The following XPR1 variants were observed in gnomAD, a reference collection of about 807,000 sequenced individuals.
The protein encoded by XPR1 is xenotropic and polytropic retrovirus receptor 1, also known as solute carrier family 53 member 1.
In XPR1, 28 loss-of-function variants were observed where a neutral mutation model predicts 87.5. The observed-to-expected ratio is 0.32, with a 90% CI of 0.24 to 0.44. The LOEUF is 0.44. Ranked by LOEUF, XPR1 falls within the 20% of genes least tolerant of loss-of-function variation. The pLI is 1.00. For missense variants in XPR1, 559 were observed against 862.3 expected (o/e 0.65, Z 4.41); for synonymous variants, 300 against 306.1 (o/e 0.98, Z 0.21).
At chr1:180,739,582 G>A (rs1173876626) in intron 2 of XPR1, among the ~76,000 whole-genome samples, 2 of 152,000 alleles carry the variant, frequency 1.3e-5, no homozygotes, top group African/African-American at 4.8e-5. Flanking sequence ...TCTCCATTTA[G>A]GTCTTCTTTG....
At chr1:180,805,256 T>G (rs940403011) in intron 4 of XPR1, among the ~76,000 whole-genome samples, 2 of 152,112 alleles carry the variant, frequency 1.3e-5, no homozygotes, top group Non-Finnish European at 2.9e-5. Context: ...CTGGAGTGAG[T>G]GCACAATTTC....
chr1:180,729,553 C>T (rs190769521), intron 2 of XPR1, among the ~76,000 whole-genome samples: 3 of 152,282 alleles, frequency 2.0e-5, no homozygotes, highest in Non-Finnish European at 2.9e-5. Flanking sequence ...TCCTCAACCT[C>T]GCCAGCATCT....
intron 9 of XPR1, among the ~76,000 whole-genome samples, chr1:180,827,095 AGT>A (rs1015221531): frequency 4.8e-5 from 7 of 144,572 alleles, no homozygotes; most frequent in Admixed American, 1.4e-4. Context: ...TGGAAGTTGC[AGT>A]GAGCCAAGAT....
rs1041460563 is a variant in XPR1 at position 180,742,618 on chromosome 1, G to A, written c.122-45135G>A. Among the ~76,000 whole-genome samples the A allele has an allele frequency of 3.3e-5, 5 of 152,170 alleles. No individual in the cohort carries two copies. In the East Asian group the frequency reaches 5.8e-4, roughly 18 times the overall value. ...GTATGTATATTCTGGTGGCGTTCCT[G>A]AAATTTTCTTTAAAGGTTAATTACA... On this transcript the variant is annotated intron_variant, in intron 2 of 14. Transcript: ENST00000367590.
rs1450192986 is a variant in XPR1, at chr1:180,643,735, C to T, written c.69+11465C>T. ...TACTTCAGATTCCATTTTTTTATCA[C>T]TGTGGATGCTCTGTGGTTCCACTGA... On this transcript the variant is annotated intron_variant, in intron 1 of 14. Coordinates refer to ENST00000367590, the MANE Select transcript of XPR1 (RefSeq NM_004736.4). Among the ~76,000 whole-genome samples, 11 of 152,160 alleles carry T rather than the reference C, an allele frequency of 7.2e-5. No individual in the cohort carries two copies. In the East Asian group the frequency reaches 2.1e-3, roughly 29 times the overall value.
At chr1:180,801,404 T>TCC (rs1215355065) in intron 3 of XPR1, among the ~76,000 whole-genome samples, 1 of 152,240 alleles carries the variant, frequency 6.6e-6, no homozygotes, top group African/African-American at 2.4e-5. Flanking sequence ...TTGACCCACA[T>TCC]AAATGGATGA....
At chr1:180,683,400 A>G (rs1380722942) in intron 2 of XPR1, among the ~76,000 whole-genome samples, 8 of 152,174 alleles carry the variant, frequency 5.3e-5, no homozygotes, top group South Asian at 2.1e-4. Context: ...AGTCTTTGCT[A>G]TTGTGAATAG....
At chr1:180,660,591 C>CTG (rs2101918046) in intron 1 of XPR1, among the ~76,000 whole-genome samples, 1 of 148,034 alleles carries the variant, frequency 6.8e-6, no homozygotes, top group African/African-American at 2.5e-5. Context: ...TCTTCTTAAT[C>CTG]TGTTCATTGA....
intron 2 of XPR1, among the ~76,000 whole-genome samples, chr1:180,736,799 G>C (rs1658743264): frequency 6.6e-6 from 1 of 152,128 alleles, no homozygotes; most frequent in African/African-American, 2.4e-5. Context: ...ACCAAAAAGA[G>C]ATGAGACATT....
intron 11 of XPR1, among the ~76,000 whole-genome samples, chr1:180,862,796 GACC>G (rs1652264814): frequency 6.6e-6 from 1 of 152,026 alleles, no homozygotes. Flanking sequence ...TTGAGAAACT[GACC>G]AAAATTTAAA....
chr1:180,768,160 A>T (rs1172580601), intron 2 of XPR1, among the ~76,000 whole-genome samples: 1 of 152,080 alleles, frequency 6.6e-6, no homozygotes, highest in Non-Finnish European at 1.5e-5. Context: ...AAACTTTTTA[A>T]ACAAATTTTC....
chr1:180,752,748 G>T (rs1647582922), intron 2 of XPR1, among the ~76,000 whole-genome samples: 1 of 152,060 alleles, frequency 6.6e-6, no homozygotes, highest in African/African-American at 2.4e-5. Context: ...CAGTAAAATT[G>T]AACATTTGGT....
intron 1 of XPR1, among the ~76,000 whole-genome samples, chr1:180,639,280 ACTGT>A (rs1654886328): frequency 6.6e-6 from 1 of 151,066 alleles, no homozygotes; most frequent in South Asian, 2.1e-4. Flanking sequence ...AGAGTGAGAC[ACTGT>A]CTGAAAAAAA....
intron 2 of XPR1, among the ~76,000 whole-genome samples, chr1:180,729,038 G>A (rs1658458186): frequency 6.6e-6 from 1 of 152,082 alleles, no homozygotes; most frequent in Non-Finnish European, 1.5e-5. Context: ...TGTTTTCTTT[G>A]TGTCCATGTG....
chr1:180,697,228 C>CTT (rs1316340191), intron 2 of XPR1, among the ~76,000 whole-genome samples: 2 of 152,008 alleles, frequency 1.3e-5, no homozygotes. Flanking sequence ...GGAACTTAAA[C>CTT]ATTTTCTCCA....
intron 2 of XPR1, among the ~76,000 whole-genome samples, chr1:180,744,935 G>A (rs1659039692): frequency 1.3e-5 from 2 of 151,950 alleles, no homozygotes; most frequent in African/African-American, 4.8e-5. Flanking sequence ...ACAGGTGTGA[G>A]CCACCATGCC....
At chr1:180,723,225 T>A (rs1195436721) in intron 2 of XPR1, among the ~76,000 whole-genome samples, 1 of 152,202 alleles carries the variant, frequency 6.6e-6, no homozygotes, top group Non-Finnish European at 1.5e-5. Context: ...TTTTATATTT[T>A]AAAAATTAAA....
At chr1:180,857,683 C>T (rs776113843) in intron 11 of XPR1, among the ~76,000 whole-genome samples, 5 of 152,236 alleles carry the variant, frequency 3.3e-5, no homozygotes, top group Non-Finnish European at 5.9e-5. Flanking sequence ...TCTCTCTCCT[C>T]TTTTAGACTT....
intron 2 of XPR1, among the ~76,000 whole-genome samples, chr1:180,726,870 TTTTC>T (rs1163167478): frequency 2.0e-4 from 31 of 151,384 alleles, no homozygotes; most frequent in South Asian, 1.9e-3. Context: ...TAAATGTATG[TTTTC>T]TTTCTTTTTT....
Sources: gnomAD v4.1 joint callset for allele counts (sites outside exome capture counted in the v4.1 genomes callset) on GRCh38, gnomAD v4.1.1 for gene constraint, MANE v1.5 for transcripts, NCBI Gene and HGNC (gene_info 2026-07-23, HGNC 2026-07-21) for gene names.